Variants in ARL15 observed in about 807,000 individuals in gnomAD.
ARL15 encodes ARF like GTPase 15, also known as ADP-ribosylation factor-like protein 15.
A neutral mutation model predicts 25.2 loss-of-function variants in ARL15; 19 were observed. The observed-to-expected ratio is 0.75, with a 90% CI of 0.53 to 1.10. The LOEUF is 1.10. Among genes scored for constraint, ARL15 ranks in the 50% least tolerant of loss-of-function variants. ARL15 has a pLI of 0.00. For synonymous variants in ARL15, 94 were observed against 86.8 expected (o/e 1.08, Z -0.46); for missense variants, 220 against 246.0 (o/e 0.89, Z 0.71).
chr5:53,934,463 G>A (rs1186025891), intron 4 of ARL15, among the ~76,000 whole-genome samples: 1 of 152,028 alleles, frequency 6.6e-6, no homozygotes, highest in Admixed American at 6.6e-5. Context: ...TGGCTACGCA[G>A]AGCTCTTAAA....
chr5:53,969,931 T>C (rs574664884), intron 4 of ARL15, among the ~76,000 whole-genome samples: 6 of 152,352 alleles, frequency 3.9e-5, no homozygotes, highest in Admixed American at 3.3e-4. Context: ...TTGCATTTAC[T>C]GCATGAGCAT....
At chr5:54,198,922 C>T (rs1382517117) in intron 1 of ARL15, among the ~76,000 whole-genome samples, 2 of 152,118 alleles carry the variant, frequency 1.3e-5, no homozygotes, top group African/African-American at 4.8e-5. Context: ...GTAACCAAAA[C>T]AGCATGGTAT....
chr5:54,110,223 A>G (rs1395644641), intron 4 of ARL15, among the ~76,000 whole-genome samples: 1 of 151,974 alleles, frequency 6.6e-6, no homozygotes, highest in African/African-American at 2.4e-5. Context: ...GACTACATAT[A>G]CAACTTCCTT....
chr5:54,285,540 A>G (rs1758160493), intron 1 of ARL15, among the ~76,000 whole-genome samples: 1 of 152,198 alleles, frequency 6.6e-6, no homozygotes, highest in Non-Finnish European at 1.5e-5. Flanking sequence ...ACTTAACATA[A>G]TTGACAGTTC....
At chr5:53,929,117 C>A (rs1207620301) in intron 4 of ARL15, among the ~76,000 whole-genome samples, 3 of 149,580 alleles carry the variant, frequency 2.0e-5, no homozygotes, top group African/African-American at 4.9e-5. Flanking sequence ...TCTCACTTAT[C>A]AAGGCCATCT....
At chr5:53,962,757 T>C (rs569065588) in intron 4 of ARL15, among the ~76,000 whole-genome samples, 2 of 152,190 alleles carry the variant, frequency 1.3e-5, no homozygotes, top group African/African-American at 4.8e-5. Context: ...AAAGGATATA[T>C]GAAAATTTTG....
intron 4 of ARL15, among the ~76,000 whole-genome samples, chr5:53,907,717 C>T (rs1038652185): frequency 6.6e-6 from 1 of 151,004 alleles, no homozygotes; most frequent in East Asian, 1.9e-4. Context: ...AGGATTGTCG[C>T]GATCTCCTGA....
intron 4 of ARL15, among the ~76,000 whole-genome samples, chr5:53,987,331 G>A (rs956271525): frequency 1.3e-5 from 2 of 151,288 alleles, no homozygotes; most frequent in African/African-American, 2.4e-5. Flanking sequence ...GTGGGGTGGG[G>A]AGGGGTGTCT....
intron 4 of ARL15, among the ~76,000 whole-genome samples, chr5:54,070,693 AT>A (rs1751392058): frequency 2.0e-5 from 3 of 151,064 alleles, no homozygotes; most frequent in Admixed American, 2.0e-4. Flanking sequence ...ATACAAAAAA[AT>A]ATTGGCTGAG....
At chr5:54,113,078 A>T in intron 4 of ARL15, 124 bp downstream of exon 4, 1 of 927,038 alleles carries the variant, frequency 1.1e-6, no homozygotes, top group Non-Finnish European at 1.6e-6. Context: ...TATGAAAACT[A>T]AGGTTTCATG....
At chr5:53,921,093 G>A (rs769408072) in intron 4 of ARL15, among the ~76,000 whole-genome samples, 19 of 152,118 alleles carry the variant, frequency 1.2e-4, no homozygotes, top group South Asian at 4.2e-4. Flanking sequence ...GCAAGACATC[G>A]AGAATGTAAG....
intron 3 of ARL15, among the ~76,000 whole-genome samples, chr5:54,154,124 T>A (rs957942969): frequency 1.3e-5 from 2 of 152,304 alleles, no homozygotes; most frequent in Admixed American, 1.3e-4. Context: ...ATAAATGTGC[T>A]TGGCCAGCAA....
At chr5:54,075,338 G>A (rs1751561721) in intron 4 of ARL15, among the ~76,000 whole-genome samples, 1 of 152,080 alleles carries the variant, frequency 6.6e-6, no homozygotes, top group South Asian at 2.1e-4. Context: ...TCTTCATATT[G>A]AATTACAGAA....
intron 4 of ARL15, among the ~76,000 whole-genome samples, chr5:53,914,967 C>A (rs747918549): frequency 6.6e-6 from 1 of 152,156 alleles, no homozygotes; most frequent in Non-Finnish European, 1.5e-5. Flanking sequence ...TGTGCCAGCA[C>A]GCCCAGCTAA....
intron 1 of ARL15, chr5:54,286,369 A>G (rs567824304): frequency 2.0e-5 from 3 of 152,332 alleles, no homozygotes; most frequent in East Asian, 1.9e-4. Flanking sequence ...CAATCTACCA[A>G]TGTCCATGGA....
intron 4 of ARL15, among the ~76,000 whole-genome samples, chr5:53,973,745 AC>A (rs919192579): frequency 6.6e-6 from 1 of 152,132 alleles, no homozygotes; most frequent in Non-Finnish European, 1.5e-5. Flanking sequence ...TCTTAAAAAA[AC>A]AAAACAAAAC....
intron 1 of ARL15, among the ~76,000 whole-genome samples, chr5:54,240,197 A>C (rs1254399427): frequency 6.6e-6 from 1 of 150,646 alleles, no homozygotes; most frequent in African/African-American, 2.4e-5. Context: ...ACTGCACTCT[A>C]GCCTGGGCGA....
intron 4 of ARL15, among the ~76,000 whole-genome samples, chr5:53,964,545 A>G (rs984336705): frequency 6.6e-6 from 1 of 152,046 alleles, no homozygotes; most frequent in Non-Finnish European, 1.5e-5. Context: ...TGTATTTAGT[A>G]GAGACGGGGC....
chr5:54,260,717 A>G (rs982374826), intron 1 of ARL15, among the ~76,000 whole-genome samples: 2 of 152,216 alleles, frequency 1.3e-5, no homozygotes, highest in African/African-American at 2.4e-5. Flanking sequence ...ACTCTCTGAC[A>G]ATGACTCAAG....
Sources: gnomAD v4.1 joint callset for allele counts (sites outside exome capture counted in the v4.1 genomes callset) on GRCh38, gnomAD v4.1.1 for gene constraint, MANE v1.5 for transcripts, NCBI Gene and HGNC (gene_info 2026-07-23, HGNC 2026-07-21) for gene names.